RNF115: variants seen among roughly 807,000 people sequenced by gnomAD.
The protein encoded by RNF115 is ring finger protein 115, also known as E3 ubiquitin-protein ligase RNF115.
RNF115 carries 31 observed loss-of-function variants against 39.2 expected under a neutral mutation model. The ratio of observed to expected loss-of-function variants is 0.79; its 90% confidence interval spans 0.59 to 1.07. The LOEUF is 1.07. Among genes scored for constraint, RNF115 ranks in the 50% least tolerant of loss-of-function variants. RNF115 has a pLI of 0.00. For missense variants in RNF115, 384 were observed against 381.7 expected (o/e 1.01, Z -0.05); for synonymous variants, 124 against 131.0 (o/e 0.95, Z 0.37).
At chr1:145,785,746 C>T (rs1253282944) in intron 2 of RNF115, among the ~76,000 whole-genome samples, 1 of 152,150 alleles carries the variant, frequency 6.6e-6, no homozygotes, top group South Asian at 2.1e-4. Context: ...TAGTCTGAAA[C>T]CAAAAGTGAA....
At chr1:145,754,336 T>A (rs1477527578) in intron 4 of RNF115, among the ~76,000 whole-genome samples, 1 of 134,514 alleles carries the variant, frequency 7.4e-6, no homozygotes, top group Non-Finnish European at 1.6e-5. Flanking sequence ...TTTTCAGATG[T>A]ACAAAACACT....
chr1:145,771,972 C>T, intron 3 of RNF115, 53 bp from the exon 4 acceptor site: 1 of 1,432,954 alleles, frequency 7.0e-7, no homozygotes, highest in Non-Finnish European at 9.7e-7. Flanking sequence ...CAATAAACAC[C>T]TGGATTGTTT....
intron 4 of RNF115, 79 bp downstream of exon 4, chr1:145,771,632 A>C (rs1647643559): frequency 1.8e-6 from 2 of 1,131,280 alleles, no homozygotes; most frequent in Non-Finnish European, 2.6e-6. Flanking sequence ...TAAGTATGAG[A>C]CCCTTATAAA....
At chr1:145,778,293 C>G (rs77421845) in intron 3 of RNF115, among the ~76,000 whole-genome samples, 1 of 152,062 alleles carries the variant, frequency 6.6e-6, no homozygotes, top group South Asian at 2.1e-4. Flanking sequence ...TCCATAGAGA[C>G]AGAAAATAGA....
intron 3 of RNF115, among the ~76,000 whole-genome samples, chr1:145,777,784 T>A (rs1429201016): frequency 6.6e-6 from 1 of 152,180 alleles, no homozygotes; most frequent in African/African-American, 2.4e-5. Context: ...TGAATGTAAG[T>A]ATAATGACAG....
intron 4 of RNF115, among the ~76,000 whole-genome samples, chr1:145,769,824 C>T (rs2170563): frequency 0.84 from 125,778 of 150,428 alleles, 52,822 homozygotes; most frequent in African/African-American, 0.9. Context: ...AGACTCCAGC[C>T]TGGGCAACCT....
intron 4 of RNF115, among the ~76,000 whole-genome samples, chr1:145,755,751 T>C (rs936028498): frequency 1.3e-5 from 2 of 151,846 alleles, no homozygotes; most frequent in Non-Finnish European, 2.9e-5. Flanking sequence ...ACAGAAGCAC[T>C]ATGGCCTTTG....
chr1:145,806,256 G>A (rs1011516362), intron 1 of RNF115, among the ~76,000 whole-genome samples: 1 of 152,132 alleles, frequency 6.6e-6, no homozygotes, highest in Non-Finnish European at 1.5e-5. Flanking sequence ...GCTGAAGCAG[G>A]AGAATCGCTT....
intron 1 of RNF115, among the ~76,000 whole-genome samples, chr1:145,800,250 TA>T (rs1385429249): frequency 6.6e-6 from 1 of 152,228 alleles, no homozygotes; most frequent in Non-Finnish European, 1.5e-5. Flanking sequence ...TTATATTTAC[TA>T]AACACATGAT....
intron 1 of RNF115, among the ~76,000 whole-genome samples, chr1:145,791,272 G>C (rs1005129913): frequency 6.6e-6 from 1 of 151,636 alleles, no homozygotes; most frequent in Admixed American, 6.6e-5. Context: ...CAGCACTTTC[G>C]GAGGCCAGGC....
At chr1:145,818,018 T>C (rs1283804278) in intron 1 of RNF115, among the ~76,000 whole-genome samples, 1 of 148,418 alleles carries the variant, frequency 6.7e-6, no homozygotes, top group Non-Finnish European at 1.5e-5. Flanking sequence ...GGCATCTAGG[T>C]TGATTCCATG....
At chr1:145,766,204 G>C (rs587703633) in intron 4 of RNF115, among the ~76,000 whole-genome samples, 1 of 152,276 alleles carries the variant, frequency 6.6e-6, no homozygotes, top group Non-Finnish European at 1.5e-5. Flanking sequence ...CTCTTAACAA[G>C]CATGCTGCCT....
intron 1 of RNF115, among the ~76,000 whole-genome samples, chr1:145,808,672 A>G (rs1485194724): frequency 1.3e-5 from 2 of 152,200 alleles, no homozygotes; most frequent in African/African-American, 2.4e-5. Context: ...TTTTTGCACT[A>G]TATCAGCAAT....
chr1:145,763,179 A>T (rs1443400627), intron 4 of RNF115, among the ~76,000 whole-genome samples: 2 of 152,228 alleles, frequency 1.3e-5, no homozygotes, highest in Middle Eastern at 3.2e-3. Context: ...ATTAAAAAAT[A>T]AAAACCAAAC....
At chr1:145,819,496 T>C (rs1650140361) in intron 1 of RNF115, among the ~76,000 whole-genome samples, 1 of 151,888 alleles carries the variant, frequency 6.6e-6, no homozygotes, top group South Asian at 2.1e-4. Context: ...GAAAAGGCCC[T>C]GGACCAGACG....
Position 145,784,589 on chromosome 1 carries a change from C to T in RNF115, c.169G>A (p.Gly57Ser), listed in dbSNP as rs1648293916. The T allele has an allele frequency of 6.2e-7, 1 of 1,613,728 alleles. No homozygotes were observed. ...TTGTCTATCCGACTGCCGCCACCAC[C>T]TAAAAAACTAAAGAGAAAAGGAATG... ...EEVTDDSSFLGGGGSRIDNTT... is the reference protein window; with the variant it reads ...EEVTDDSSFLSGGGSRIDNTT... Residue 57 changes from glycine (G) to serine (S), a missense_variant, in exon 3 of 9, where the codon GGT (glycine) becomes AGT (serine). Coordinates refer to ENST00000582693, the MANE Select transcript of RNF115 (RefSeq NM_014455.4).
At chr1:145,773,817 TTTTG>T (rs1490639825) in intron 3 of RNF115, 4 of 152,140 alleles carry the variant, frequency 2.6e-5, no homozygotes, top group Admixed American at 6.5e-5. Flanking sequence ...TTTTTGGTTT[TTTTG>T]TTTGTTTTTT....
At chr1:145,817,694 G>A (rs1296790603) in intron 1 of RNF115, among the ~76,000 whole-genome samples, 42 of 78,122 alleles carry the variant, frequency 5.4e-4, no homozygotes, top group African/African-American at 2.2e-3. Context: ...TGATTATTTC[G>A]TCACCCAGCA....
intron 4 of RNF115, among the ~76,000 whole-genome samples, chr1:145,754,669 T>C (rs753631140): frequency 2.6e-5 from 4 of 152,184 alleles, no homozygotes; most frequent in African/African-American, 7.2e-5. Context: ...GTCACCCACG[T>C]TGTACAACAG....
Sources: gnomAD v4.1 joint callset for allele counts (sites outside exome capture counted in the v4.1 genomes callset) on GRCh38, gnomAD v4.1.1 for gene constraint, MANE v1.5 for transcripts, NCBI Gene and HGNC (gene_info 2026-07-23, HGNC 2026-07-21) for gene names.